SULT1C4: variants seen among roughly 807,000 people sequenced by gnomAD.
SULT1C4 encodes sulfotransferase family 1C member 4.
Under a neutral mutation model 34.8 loss-of-function variants are expected in SULT1C4, and 32 were observed. The observed-to-expected ratio is 0.92, with a 90% confidence interval of 0.69 to 1.23. The LOEUF (loss-of-function observed/expected upper bound fraction) is 1.23. SULT1C4 is among the 50% of genes most tolerant of loss of function. SULT1C4 has a pLI of 0.00. For synonymous variants in SULT1C4, 111 were observed against 120.5 expected, an observed-to-expected ratio of 0.92 and a Z score of 0.51; for missense variants, 375 against 365.9, an observed-to-expected ratio of 1.02 and a Z score of -0.20.
intron 5 of SULT1C4, 129 bp from the exon 6 acceptor site, chr2:108,386,063 A>G: frequency 1.9e-5 from 13 of 697,524 alleles, no homozygotes; most frequent in Non-Finnish European, 2.5e-5. Context: ...GAGTCACTTG[A>G]GCATTTGTTA....
At position 108,387,460 on chromosome 2, in the gene SULT1C4, G is replaced by C. The variant is rs1490931539; in HGVS notation, c.*28G>C. 1 of 1,458,972 alleles carries C rather than the reference G, an allele frequency of 6.9e-7. No individual in the cohort carries two copies. The highest frequency in any genetic ancestry group is 9.6e-7 in the Non-Finnish European group (1 of 1,044,332). 90.4% of individuals were successfully genotyped at this position (1,458,972 alleles called of 1,614,324 possible). On this transcript the variant is annotated 3_prime_UTR_variant, in exon 7 of 7. Coordinates refer to ENST00000272452, the MANE Select transcript of SULT1C4 (RefSeq NM_006588.4). ...AGGAAGAAAAACTGAAAATGTTTTA[G>C]TTTATTACCCAGTATATTTGGGTAA...
In SULT1C4 at chr2:108,382,490, A is replaced by G; in HGVS notation, c.393+8A>G. 1.2e-6 allele frequency: 2 copies of G among 1,612,210 alleles called. No homozygotes were observed. Among genetic ancestry groups the G allele is most frequent in the Non-Finnish European group, 1.7e-6 (2 of 1,178,228 alleles). On this transcript the variant is annotated splice_region_variant and intron_variant, in intron 3 of 6. Transcript: ENST00000272452. Reference sequence around the variant, plus strand: ...CTAGAGAAAAACTGTAAGGTAAAAAAGCAAAAGGAATTCAGAGTTGTACTC... The same window carrying G: ...CTAGAGAAAAACTGTAAGGTAAAAAGGCAAAAGGAATTCAGAGTTGTACTC...
intron 2 of SULT1C4, 111 bp downstream of exon 2, chr2:108,381,998 T>C (rs1398172317): frequency 4.8e-6 from 6 of 1,256,352 alleles, no homozygotes; most frequent in Non-Finnish European, 6.3e-6. Flanking sequence ...GTAAGTTTCA[T>C]GGTTTTGTCT....
rs896379555 is a variant in SULT1C4, at chr2:108,387,402, T to C, written c.879T>C (p.Asp293=). 3 of 1,613,408 alleles carry C rather than the reference T, an allele frequency of 1.9e-6. No homozygotes were observed. The highest frequency in any genetic ancestry group is 2.5e-6 in the Non-Finnish European group (3 of 1,179,598). ...AAGATTACAAGAAGAAAATGACTGATACCAGACTAACTTTCCACTTCCAGT... is the reference window on the plus strand; with the variant it reads ...AAGATTACAAGAAGAAAATGACTGACACCAGACTAACTTTCCACTTCCAGT... ...FDEDYKKKMT[D]TRLTFHFQF is the part of the protein sequence containing the mutation. The change falls in exon 7 of 7, where the codon GAT becomes GAC. Residue 293 remains aspartate, a synonymous_variant. Coordinates refer to ENST00000272452, the MANE Select transcript of SULT1C4 (RefSeq NM_006588.4).
chr2:108,385,989 G>A (rs1678556815), intron 5 of SULT1C4, among the ~76,000 whole-genome samples: 1 of 151,940 alleles, frequency 6.6e-6, no homozygotes, highest in Admixed American at 6.6e-5. Flanking sequence ...ACATATTAAG[G>A]GGAAAAAATT....
At position 108,388,601 on chromosome 2, in the gene SULT1C4, C is replaced by T. The variant is rs1054116168; in HGVS notation, c.*1169C>T. Among the ~76,000 whole-genome samples, 1 of 152,156 alleles carries T rather than the reference C, an allele frequency of 6.6e-6. No homozygotes were observed. Among genetic ancestry groups the T allele is most frequent in the Non-Finnish European group, 1.5e-5 (1 of 68,032 alleles). ...TTATGTTGTTCCTTAGCTCAAAATC[C>T]TTCAATGGCTGAACTTTCACTGCCT... is the stretch of plus-strand genomic sequence containing the variant. On this transcript the variant is annotated 3_prime_UTR_variant, in exon 7 of 7. Coordinates refer to ENST00000272452, the MANE Select transcript of SULT1C4 (RefSeq NM_006588.4).
At chr2:108,387,208 A>G in intron 6 of SULT1C4, 112 bp from the exon 7 acceptor site, 1 of 786,932 alleles carries the variant, frequency 1.3e-6, no homozygotes, top group Non-Finnish European at 2.1e-6. Flanking sequence ...GTTTTGTCCA[A>G]TACTGCCCTT....
Position 108,378,405 on chromosome 2 carries a change from AG to A in SULT1C4, c.71del (p.Gly24GlufsTer41), listed in dbSNP as rs1678300800. The A allele has an allele frequency of 6.2e-7, 1 of 1,614,130 alleles. No homozygotes were observed. The highest frequency in any genetic ancestry group is 1.1e-5 in the South Asian group (1 of 91,088). On this transcript the variant is annotated frameshift_variant, in exon 1 of 7. Coordinates refer to ENST00000272452, the MANE Select transcript of SULT1C4 (RefSeq NM_006588.4). LOFTEE classifies it high-confidence loss of function. ...AAGCGCTTAAGTGTCAACTACGTGA[AG>A]GGAATTCTTCAACCGACAGACACCT... Reference protein sequence around the residue: ...GTKRLSVNYVKGILQPTDTCD... With the variant: ...GTKRLSVNYVXGILQPTDTCD...
At chr2:108,382,570 T>A in intron 3 of SULT1C4, 88 bp downstream of exon 3, 1 of 912,714 alleles carries the variant, frequency 1.1e-6, no homozygotes, top group Non-Finnish European at 1.8e-6. Flanking sequence ...TTGTTAAATA[T>A]ATATATATAT....
intron 1 of SULT1C4, among the ~76,000 whole-genome samples, chr2:108,381,399 G>T (rs139787172): frequency 1.3e-5 from 2 of 152,250 alleles, no homozygotes; most frequent in East Asian, 3.9e-4. Context: ...CATTTTAGGA[G>T]GCCGAGGCGA....
chr2:108,383,869 G>GTTT (rs137910188), intron 5 of SULT1C4, among the ~76,000 whole-genome samples: 19 of 148,584 alleles, frequency 1.3e-4, no homozygotes, highest in African/African-American at 4.3e-4. Flanking sequence ...TTTTGTTTTT[G>GTTT]TTTTTGTTTT....
rs1418341299 is a variant in SULT1C4 at position 108,387,790 on chromosome 2, A to G, written c.*358A>G. The stretch of plus-strand genomic sequence containing the variant: ...CATTTTCAGATTAAGTTTTGGTTCA[A>G]GTTAATTTTTTTTTTTTTTTTTTTG... On this transcript the variant is annotated 3_prime_UTR_variant, in exon 7 of 7. Transcript: ENST00000272452. 6.0e-6 allele frequency: 1 copy of G among 166,676 alleles called. No individual in the cohort carries two copies. The highest frequency in any genetic ancestry group is 2.4e-5 in the African/African-American group (1 of 41,386). The allele number at this position is 166,676 out of a possible 1,614,324, so 10.3% of individuals were successfully genotyped here. A position where few individuals can be genotyped will look rare whatever the true frequency, so the allele number is the denominator to read the frequency against.
At chr2:108,381,657 A>G in intron 1 of SULT1C4, 105 bp from the exon 2 acceptor site, 3 of 1,254,822 alleles carry the variant, frequency 2.4e-6, no homozygotes, top group Non-Finnish European at 3.1e-6. Flanking sequence ...ACAAAACAAA[A>G]CAAAACAAAA....
chr2:108,378,130 T>C lies in SULT1C4; in HGVS notation c.-208T>C. 2.4e-6 allele frequency: 1 copy of C among 416,924 alleles called. No individual in the cohort carries two copies. The highest frequency in any genetic ancestry group is 4.7e-5 in the South Asian group (1 of 21,346). The allele number at this position is 416,924 out of a possible 1,614,324, so 25.8% of individuals were successfully genotyped here. On this transcript the variant is annotated 5_prime_UTR_variant, in exon 1 of 7. Coordinates refer to ENST00000272452, the MANE Select transcript of SULT1C4 (RefSeq NM_006588.4). ...CTCAGGAAACTGCCAGTGGACAAAGTCATAAACAAGAGTTCCAGTTCCCTG... is the reference window on the plus strand; with the variant it reads ...CTCAGGAAACTGCCAGTGGACAAAGCCATAAACAAGAGTTCCAGTTCCCTG...
At position 108,384,203 on chromosome 2, in the gene SULT1C4, A is replaced by G. The variant is rs113993782; in HGVS notation, c.615+693A>G. 1.8e-3 allele frequency among the ~76,000 whole-genome samples: 276 copies of G among 149,826 alleles called. 4 individuals carry two copies. Among genetic ancestry groups the G allele is most frequent in the African/African-American group, 6.6e-3 (269 of 40,608 alleles). The stretch of plus-strand genomic sequence containing the variant: ...TTTTATTAGCACTGAGGAACATAAT[A>G]CTTTATTTATTTATTTATTTATTTA... On this transcript the variant is annotated intron_variant, in intron 5 of 6. Coordinates refer to ENST00000272452, the MANE Select transcript of SULT1C4 (RefSeq NM_006588.4).
rs1345072476 is a variant in SULT1C4 at position 108,378,204 on chromosome 2, C to T, written c.-134C>T. On this transcript the variant is annotated 5_prime_UTR_variant, in exon 1 of 7. Coordinates refer to ENST00000272452, the MANE Select transcript of SULT1C4 (RefSeq NM_006588.4). The stretch of plus-strand genomic sequence containing the variant: ...ACTCACTTTCTCCCTGTTTGCTGGC[C>T]CAGACAGGCCTGTGCTAGAGGGCTG... 1.3e-6 allele frequency: 1 copy of T among 780,440 alleles called. No homozygotes were observed. Among genetic ancestry groups the T allele is most frequent in the Non-Finnish European group, 2.0e-6 (1 of 507,928 alleles). The allele number at this position is 780,440 out of a possible 1,614,324, so 48.3% of individuals were successfully genotyped here.
chr2:108,386,288 G>A lies in SULT1C4; in HGVS notation c.712G>A (p.Val238Ile), dbSNP rs1327142510. 3.2e-6 allele frequency: 5 copies of A among 1,587,214 alleles called. No individual in the cohort carries two copies. The highest frequency in any genetic ancestry group is 1.2e-5 in the South Asian group (1 of 85,432). Residue 238 changes from valine (V) to isoleucine (I), a missense_variant, in exon 6 of 7, where the codon GTC becomes ATC. Coordinates refer to ENST00000272452, the MANE Select transcript of SULT1C4 (RefSeq NM_006588.4). ...AATTGTCCATTACACTTCGTTTGAT[G>A]TCATGAAACAGAATCCAATGGCAAA... ...DKIVHYTSFDVMKQNPMANYS... is the reference protein window; with the variant it reads ...DKIVHYTSFDIMKQNPMANYS...
At chr2:108,383,271 C>A in intron 4 of SULT1C4, 52 bp downstream of exon 4, 3 of 1,600,060 alleles carry the variant, frequency 1.9e-6, no homozygotes, top group Non-Finnish European at 1.7e-6. Flanking sequence ...TCCAAACACC[C>A]TAGAAGGAAA....
intron 1 of SULT1C4, among the ~76,000 whole-genome samples, chr2:108,378,905 C>T (rs1678317687): frequency 6.6e-6 from 1 of 152,028 alleles, no homozygotes; most frequent in Non-Finnish European, 1.5e-5. Context: ...AATAGGGGAG[C>T]TTTGGTTCTG....
Sources: gnomAD v4.1 joint callset for allele counts (sites outside exome capture counted in the v4.1 genomes callset) on GRCh38, gnomAD v4.1.1 for gene constraint, MANE v1.5 for transcripts, NCBI Gene and HGNC (gene_info 2026-07-23, HGNC 2026-07-21) for gene names.